Variants in CYP4F8 observed in about 807,000 individuals in gnomAD.
CYP4F8 encodes cytochrome P450 family 4 subfamily F member 8.
Under a neutral mutation model 55.0 loss-of-function variants are expected in CYP4F8, and 56 were observed. That is an observed-to-expected ratio of 1.02 (90% confidence interval 0.82 to 1.27). The LOEUF (loss-of-function observed/expected upper bound fraction) is 1.27, where lower values mean the gene tolerates loss of function less well. Among genes scored for constraint, CYP4F8 ranks in the 50% most tolerant of loss-of-function variants. The probability of loss-of-function intolerance (pLI) is 0.00; values close to 1 mark genes in which losing one functional copy is unlikely to be tolerated. For synonymous variants in CYP4F8, 288 were observed against 267.3 expected, an observed-to-expected ratio of 1.08 and a Z score of -0.76; for missense variants, 680 against 682.4, an observed-to-expected ratio of 1.00 and a Z score of 0.04.
chr19:15,615,834 A>G lies in CYP4F8; in HGVS notation c.198+20A>G. 6.3e-7 allele frequency: 1 copy of G among 1,597,104 alleles called. No homozygotes were observed. Among genetic ancestry groups the G allele is most frequent in the Non-Finnish European group, 8.5e-7 (1 of 1,169,676 alleles). ...GGCCTGGTGAGTGGCAGGAGGATGG[A>G]TCTAGTGTCTCAGGGTGGAAGGGTG... is the stretch of plus-strand genomic sequence containing the variant. On this transcript the variant is annotated intron_variant, in intron 2 of 12. Transcript: ENST00000612078.
intron 3 of CYP4F8, chr19:15,618,393 G>T (rs1972151690): frequency 1.6e-6 from 1 of 625,470 alleles, no homozygotes; most frequent in Non-Finnish European, 2.9e-6. Flanking sequence ...TTAATCCAAG[G>T]CCCTGTCCTG....
chr19:15,628,220 C>G, intron 9 of CYP4F8, 82 bp from the exon 10 acceptor site: 1 of 1,587,882 alleles, frequency 6.3e-7, no homozygotes, highest in Non-Finnish European at 8.6e-7. Context: ...GACTGAGGGT[C>G]AGAGGGAGGT....
At chr19:15,622,877 G>A in intron 6 of CYP4F8, 2 of 583,468 alleles carry the variant, frequency 3.4e-6, no homozygotes, top group South Asian at 4.2e-5. Context: ...TAATAGGCAG[G>A]AGCAGATGTT....
chr19:15,623,463 C>A, intron 7 of CYP4F8, 88 bp downstream of exon 7: 21 of 1,557,634 alleles, frequency 1.3e-5, no homozygotes, highest in Non-Finnish European at 1.7e-5. Context: ...ATACAGAGGG[C>A]ACTAAGGAGC....
chr19:15,628,676 C>T, intron 11 of CYP4F8, 81 bp downstream of exon 11: 1 of 1,606,718 alleles, frequency 6.2e-7, no homozygotes. Flanking sequence ...TACTCCCTCT[C>T]TACTCCACCC....
chr19:15,623,197 A>G lies in CYP4F8; in HGVS notation c.740A>G (p.Tyr247Cys), dbSNP rs780751946. Residue 247 changes from tyrosine to cysteine, a missense_variant, in exon 7 of 13, where the codon TAC becomes TGC. Tyr to Cys is a radical substitution (Grantham distance 194, BLOSUM62 -2). Coordinates refer to ENST00000612078, the MANE Select transcript of CYP4F8 (RefSeq NM_007253.4). The stretch of plus-strand genomic sequence containing the variant: ...TTCTTCCGGTACAAGGACTTCCTGT[A>G]CTTCCTCACTCCCTGTGGACGGCGC... ...NQFFRYKDFL[Y>C]FLTPCGRRFH... The G allele has an allele frequency of 6.2e-7, 1 of 1,613,996 alleles. No individual in the cohort carries two copies. Among genetic ancestry groups the G allele is most frequent in the East Asian group, 2.2e-5 (1 of 44,846 alleles).
At chr19:15,616,655 GA>G (rs1416994067) in intron 2 of CYP4F8, among the ~76,000 whole-genome samples, 1 of 152,158 alleles carries the variant, frequency 6.6e-6, no homozygotes. Flanking sequence ...CCAGAAGAGA[GA>G]TGTGTGCCAT....
Position 15,618,042 on chromosome 19 carries a change from G to T in CYP4F8, c.241G>T (p.Val81Leu). The T allele has an allele frequency of 6.2e-7, 1 of 1,614,082 alleles. No individual in the cohort carries two copies. The highest frequency in any genetic ancestry group is 1.1e-5 in the South Asian group (1 of 91,074). Residue 81 changes from valine to leucine, a missense_variant, in exon 3 of 13, where the codon GTG (valine) becomes TTG (leucine). Coordinates refer to ENST00000612078, the MANE Select transcript of CYP4F8 (RefSeq NM_007253.4). ...GGGCTTGAGGGTCCTGACCCAGCTG[G>T]TGGCCACCTACCCCCAGGGCTTTGT... The part of the protein sequence containing the change: ...EEGLRVLTQL[V>L]ATYPQGFVRW...
intron 2 of CYP4F8, among the ~76,000 whole-genome samples, chr19:15,616,471 G>A (rs1348944909): frequency 1.3e-5 from 2 of 152,150 alleles, no homozygotes; most frequent in South Asian, 2.1e-4. Flanking sequence ...TACGCAGCAG[G>A]TATTCACCAT....
chr19:15,616,284 T>TCCTCTCCTCGCTCACTCATC (rs1972120985), intron 2 of CYP4F8, among the ~76,000 whole-genome samples: 1 of 150,388 alleles, frequency 6.6e-6, no homozygotes, highest in Admixed American at 6.6e-5. Context: ...GCTCACTCAT[T>TCCTCTCCTCGCTCACTCATC]CCTCTCCTCG....
Position 15,615,715 on chromosome 19 carries a change from C to A in CYP4F8, c.99C>A (p.Arg33=). The change falls in exon 2 of 13, where the codon CGC becomes CGA. Residue 33 remains arginine, a synonymous_variant. Coordinates refer to ENST00000612078, the MANE Select transcript of CYP4F8 (RefSeq NM_007253.4). ...LVVGASWLLA[R]ILAWTYAFYH... Reference sequence around the variant, plus strand: ...TCGGGGCCTCCTGGCTCCTGGCCCGCATCCTGGCCTGGACCTATGCCTTCT... The same window carrying A: ...TCGGGGCCTCCTGGCTCCTGGCCCGAATCCTGGCCTGGACCTATGCCTTCT... 1 of 1,614,146 alleles carries A rather than the reference C, an allele frequency of 6.2e-7. No individual in the cohort carries two copies. Among genetic ancestry groups the A allele is most frequent in the Non-Finnish European group, 8.5e-7 (1 of 1,180,000 alleles).
intron 3 of CYP4F8, chr19:15,618,567 G>A: frequency 5.8e-6 from 2 of 343,120 alleles, no homozygotes; most frequent in South Asian, 4.7e-5. Flanking sequence ...GCAGGAGCTG[G>A]GTGTGGAACG....
intron 3 of CYP4F8, 49 bp downstream of exon 3, chr19:15,618,193 C>T: frequency 6.2e-7 from 1 of 1,613,084 alleles, no homozygotes; most frequent in East Asian, 2.2e-5. Flanking sequence ...CATTGGAGGG[C>T]TTCTAGATCT....
Position 15,629,435 on chromosome 19 carries a change from A to G in CYP4F8, c.*77A>G. 2 of 1,475,578 alleles carry G rather than the reference A, an allele frequency of 1.4e-6. No individual in the cohort carries two copies. Among genetic ancestry groups the G allele is most frequent in the Admixed American group, 5.0e-5 (2 of 40,224 alleles). 91.4% of individuals were successfully genotyped at this position (1,475,578 alleles called of 1,614,324 possible). A position where few individuals can be genotyped will look rare whatever the true frequency, so the allele number is the denominator to read the frequency against. On this transcript the variant is annotated 3_prime_UTR_variant, in exon 13 of 13. Coordinates refer to ENST00000612078, the MANE Select transcript of CYP4F8 (RefSeq NM_007253.4). ...CTACCTTTTCAGATTTCCGGTAATA[A>G]ATCTGTGTTGGCCCCTGTGCCTCAG...
chr19:15,626,157 A>C lies in CYP4F8; in HGVS notation c.1115+2063A>C, dbSNP rs368396880. ...TGTAGTGGATACCTGGACTGCTTCT[A>C]TCTCTCCAGTGCAATGACCATCTTT... On this transcript the variant is annotated intron_variant, in intron 9 of 12. Coordinates refer to ENST00000612078, the MANE Select transcript of CYP4F8 (RefSeq NM_007253.4). 3.3e-5 allele frequency among the ~76,000 whole-genome samples: 5 copies of C among 152,146 alleles called. No individual in the cohort carries two copies. In the East Asian group the frequency reaches 5.8e-4, roughly 18 times the overall value.
chr19:15,622,941 C>G, intron 6 of CYP4F8, 164 bp from the exon 7 acceptor site: 1 of 780,012 alleles, frequency 1.3e-6, no homozygotes, highest in South Asian at 1.9e-5. Flanking sequence ...CCCTGGGGAC[C>G]TGGGGCAGGA....
intron 9 of CYP4F8, 53 bp downstream of exon 9, chr19:15,624,147 T>C (rs1021082847): frequency 1.9e-6 from 3 of 1,594,546 alleles, no homozygotes; most frequent in Middle Eastern, 1.7e-4. Flanking sequence ...GTCCTTCTCG[T>C]TGGTTCTTCT....
At chr19:15,619,139 CTAATATCA>C in intron 3 of CYP4F8, 1 of 231,072 alleles carries the variant, frequency 4.3e-6, no homozygotes. Context: ...CAGGTCTCAC[CTAATATCA>C]TCAGAATTCT....
chr19:15,623,829 G>C, intron 8 of CYP4F8, 64 bp downstream of exon 8: 2 of 1,605,210 alleles, frequency 1.2e-6, no homozygotes, highest in Non-Finnish European at 1.7e-6. Flanking sequence ...GAAGTGGAGG[G>C]CCGGCCCTGA....
Sources: allele counts gnomAD v4.1 joint callset (sites outside exome capture counted in the v4.1 genomes callset), GRCh38; gene constraint gnomAD v4.1.1; transcripts MANE v1.5; gene names NCBI Gene and HGNC (gene_info 2026-07-23, HGNC 2026-07-21).